The following LY86 variants were observed in gnomAD, a reference collection of about 807,000 sequenced individuals.
The protein encoded by LY86 is lymphocyte antigen 86, also known as MD-1, RP105-associated.
Under a neutral mutation model 17.3 loss-of-function variants are expected in LY86, and 20 were observed. The ratio of observed to expected loss-of-function variants is 1.15; its 90% CI spans 0.81 to 1.68. LY86 has a LOEUF of 1.68. LY86 is among the 40% of genes most tolerant of loss of function. The pLI, the probability that LY86 is intolerant of heterozygous loss-of-function variation, is 0.00. For synonymous variants in LY86, 74 were observed against 70.6 expected, an observed-to-expected ratio of 1.05 and a Z score of -0.24; for missense variants, 200 against 191.9, an observed-to-expected ratio of 1.04 and a Z score of -0.25.
chr6:6,612,546 C>CT (rs1185568668), intron 1 of LY86, among the ~76,000 whole-genome samples: 1 of 152,132 alleles, frequency 6.6e-6, no homozygotes, highest in East Asian at 1.9e-4. Context: ...ACAAAAGCAA[C>CT]GAAACAACCA....
intron 1 of LY86, among the ~76,000 whole-genome samples, chr6:6,605,832 C>T (rs555118374): frequency 2.6e-5 from 4 of 152,138 alleles, no homozygotes; most frequent in East Asian, 3.9e-4. Context: ...CTGACTTTCC[C>T]GGTGAATGTT....
chr6:6,629,592 G>A (rs571898565), intron 3 of LY86, among the ~76,000 whole-genome samples: 1 of 152,218 alleles, frequency 6.6e-6, no homozygotes, highest in Non-Finnish European at 1.5e-5. Context: ...TGAGCTGTTT[G>A]GTATCATTGC....
Position 6,597,650 on chromosome 6 carries a change from G to A in LY86, c.136+8780G>A, listed in dbSNP as rs561175601. 7.2e-5 allele frequency among the ~76,000 whole-genome samples: 11 copies of A among 152,282 alleles called. No individual in the cohort carries two copies. The East Asian group carries it at 1.9e-3, about 27-fold the overall frequency. ...ATTTGCACCTCCGTCTGTGGGATTC[G>A]TGTGCAGTAGGTAGTGTGCACGTCA... On this transcript the variant is annotated intron_variant, in intron 1 of 4. Coordinates refer to ENST00000230568, the MANE Select transcript of LY86 (RefSeq NM_004271.4).
intron 3 of LY86, among the ~76,000 whole-genome samples, chr6:6,642,828 T>A (rs1162830487): frequency 2.0e-5 from 3 of 152,188 alleles, no homozygotes; most frequent in South Asian, 4.1e-4. Flanking sequence ...AAAGACTGTA[T>A]CCAGAGCTCA....
At chr6:6,616,675 C>T (rs1761562245) in intron 1 of LY86, among the ~76,000 whole-genome samples, 1 of 152,244 alleles carries the variant, frequency 6.6e-6, no homozygotes, top group African/African-American at 2.4e-5. Context: ...TATTCCACAA[C>T]ATCAGATGCC....
At chr6:6,640,714 AAAAAC>A (rs1288451897) in intron 3 of LY86, among the ~76,000 whole-genome samples, 3 of 151,986 alleles carry the variant, frequency 2.0e-5, no homozygotes, top group Non-Finnish European at 4.4e-5. Flanking sequence ...ATTTCTCTCT[AAAAAC>A]AAAACAAAAC....
intron 3 of LY86, among the ~76,000 whole-genome samples, chr6:6,646,661 C>G (rs1762112241): frequency 6.6e-6 from 1 of 152,184 alleles, no homozygotes; most frequent in Non-Finnish European, 1.5e-5. Context: ...CTCCATTCAA[C>G]TCACTTCCCC....
At chr6:6,598,340 A>G (rs1760784600) in intron 1 of LY86, among the ~76,000 whole-genome samples, 1 of 151,650 alleles carries the variant, frequency 6.6e-6, no homozygotes, top group South Asian at 2.1e-4. Flanking sequence ...ATGAGTTTAC[A>G]TTTATCTCTT....
At chr6:6,599,913 T>C (rs755679885) in intron 1 of LY86, among the ~76,000 whole-genome samples, 26 of 152,232 alleles carry the variant, frequency 1.7e-4, no homozygotes, top group Admixed American at 3.9e-4. Flanking sequence ...ACTCACCCAA[T>C]GTCAGGTGAA....
chr6:6,621,344 G>A (rs1478781675), intron 1 of LY86: 2 of 152,222 alleles, frequency 1.3e-5, no homozygotes, highest in African/African-American at 4.8e-5. Flanking sequence ...GGGTCCAAGG[G>A]AAAGTCTCTC....
intron 1 of LY86, among the ~76,000 whole-genome samples, chr6:6,605,027 T>C (rs2326807): frequency 0.87 from 130,999 of 151,022 alleles, 57,039 homozygotes; most frequent in Middle Eastern, 0.96. Context: ...GTAAAAGACT[T>C]TGGAGAAAAA....
intron 3 of LY86, among the ~76,000 whole-genome samples, chr6:6,643,710 ACATT>A (rs1160502556): frequency 6.6e-6 from 1 of 152,192 alleles, no homozygotes; most frequent in Non-Finnish European, 1.5e-5. Flanking sequence ...AAACGCACAT[ACATT>A]CACACACAAA....
chr6:6,610,993 G>C (rs990093243), intron 1 of LY86, among the ~76,000 whole-genome samples: 1 of 152,152 alleles, frequency 6.6e-6, no homozygotes, highest in Middle Eastern at 3.2e-3. Flanking sequence ...ACCACTTTAA[G>C]CAATAGAGGA....
At chr6:6,630,237 G>T (rs1761879147) in intron 3 of LY86, among the ~76,000 whole-genome samples, 1 of 152,238 alleles carries the variant, frequency 6.6e-6, no homozygotes, top group Non-Finnish European at 1.5e-5. Context: ...TTTTCAAAGA[G>T]AATTACAGCC....
intron 1 of LY86, among the ~76,000 whole-genome samples, chr6:6,597,478 T>C (rs1295298420): frequency 1.3e-5 from 2 of 152,204 alleles, no homozygotes; most frequent in East Asian, 3.8e-4. Flanking sequence ...CCGCGACCTG[T>C]GTACCATCTA....
Position 6,613,259 on chromosome 6 carries a change from T to TA in LY86, c.137-11667_137-11666insA, listed in dbSNP as rs1470235766. On this transcript the variant is annotated intron_variant, in intron 1 of 4. Coordinates refer to ENST00000230568, the MANE Select transcript of LY86 (RefSeq NM_004271.4). ...GGCCGCAGGTGGAGCTGCCTGCCAA[T>TA]CCCGCGCCGTGCGCCCGCACTCCTC... 3.9e-5 allele frequency among the ~76,000 whole-genome samples: 6 copies of TA among 152,302 alleles called. No homozygotes were observed. The South Asian group carries it at 1.0e-3, about 26-fold the overall frequency.
chr6:6,595,390 A>G (rs1244556312), intron 1 of LY86, among the ~76,000 whole-genome samples: 6 of 56,664 alleles, frequency 1.1e-4, no homozygotes, highest in East Asian at 1.5e-3. Flanking sequence ...GGGAGAAGAG[A>G]AGGAGGAAAA....
At chr6:6,611,264 T>C (rs1001658796) in intron 1 of LY86, among the ~76,000 whole-genome samples, 30 of 152,232 alleles carry the variant, frequency 2.0e-4, no homozygotes, top group Non-Finnish European at 4.1e-4. Context: ...TATATATTAT[T>C]CTCTGTGCCT....
chr6:6,589,753 TTCTTA>T (rs1365971527), intron 1 of LY86, among the ~76,000 whole-genome samples: 8 of 147,534 alleles, frequency 5.4e-5, no homozygotes, highest in Admixed American at 2.0e-4. Flanking sequence ...TCATCTCCTC[TTCTTA>T]TAAGTACACA....
Sources: allele counts gnomAD v4.1 joint callset (sites outside exome capture counted in the v4.1 genomes callset), GRCh38; gene constraint gnomAD v4.1.1; transcripts MANE v1.5; gene names NCBI Gene and HGNC (gene_info 2026-07-23, HGNC 2026-07-21).